The following C17orf99 variants were observed in gnomAD, a reference collection of about 807,000 sequenced individuals.
The protein encoded by C17orf99 is protein IL-40.
Under a neutral mutation model 22.6 loss-of-function variants are expected in C17orf99, and 18 were observed. The observed-to-expected ratio is 0.80, with a 90% CI of 0.55 to 1.18. C17orf99 has a LOEUF of 1.18. Among genes scored for constraint, C17orf99 ranks in the 50% most tolerant of loss-of-function variants. The pLI is 0.00. For missense variants in C17orf99, 328 were observed against 342.7 expected (o/e 0.96, Z 0.34); for synonymous variants, 147 against 136.6 (o/e 1.08, Z -0.53).
At position 78,161,131 on chromosome 17, in the gene C17orf99, T is replaced by C. The variant is rs1224257702; in HGVS notation, c.247T>C (p.Phe83Leu). ...GGTGAAGACCCACGAGCCGGCCTCC[T>C]TCAACCTCAACGTCACACTCAAGTC... ...KVVKTHEPASFNLNVTLKSSP... is the reference protein window; with the variant it reads ...KVVKTHEPASLNLNVTLKSSP... Residue 83 changes from phenylalanine (F) to leucine (L), a missense_variant, in exon 3 of 5, where the codon TTC becomes CTC. By Grantham distance (22) the Phe-to-Leu change is conservative (BLOSUM62 0). Coordinates refer to ENST00000340363, the MANE Select transcript of C17orf99 (RefSeq NM_001163075.2). 6.4e-7 allele frequency: 1 copy of C among 1,551,824 alleles called. No homozygotes were observed. The highest frequency in any genetic ancestry group is 8.7e-7 in the Non-Finnish European group (1 of 1,147,026).
chr17:78,159,570 C>CAGAGGTT (rs2075556124), intron 2 of C17orf99, among the ~76,000 whole-genome samples: 1 of 141,038 alleles, frequency 7.1e-6, no homozygotes, highest in Non-Finnish European at 1.5e-5. Context: ...ACACGGGAGG[C>CAGAGGTT]GACAGTGCAA....
At chr17:78,153,635 G>A (rs1478899557) in intron 2 of C17orf99, among the ~76,000 whole-genome samples, 7 of 152,164 alleles carry the variant, frequency 4.6e-5, no homozygotes, top group Non-Finnish European at 1.0e-4. Flanking sequence ...TGTAAGTCAA[G>A]ATCGTTTCCC....
At position 78,146,538 on chromosome 17, in the gene C17orf99, C is replaced by A; in HGVS notation, c.37+94C>A. On this transcript the variant is annotated intron_variant, in intron 1 of 4. Transcript: ENST00000340363. The surrounding 1 kb of genome is among the most constrained non-coding windows in gnomAD (Gnocchi z 5.2). ...TACTGGGAGCACAGGAGAGATGAGG[C>A]CTGAAGGAAGGGCACCTCTGGAAAC... The A allele has an allele frequency of 8.5e-7, 1 of 1,169,654 alleles. No homozygotes were observed. The highest frequency in any genetic ancestry group is 1.2e-6 in the Non-Finnish European group (1 of 810,378). The allele number at this position is 1,169,654 out of a possible 1,614,324, so 72.5% of individuals were successfully genotyped here.
At chr17:78,161,624 G>A (rs571340385) in intron 3 of C17orf99, among the ~76,000 whole-genome samples, 4 of 152,168 alleles carry the variant, frequency 2.6e-5, no homozygotes, top group East Asian at 3.9e-4. Flanking sequence ...CAGGCTGATC[G>A]CTTGAGCCCA....
At chr17:78,146,307 C>A (rs2075436970), upstream of C17orf99, 3 of 1,091,766 alleles carry the variant, frequency 2.7e-6, no homozygotes, top group African/African-American at 1.6e-5. This position sits in a 1 kb window ranked among gnomAD's most constrained non-coding sequence, Gnocchi z 5.2. Flanking sequence ...CTCCCCACTG[C>A]AGGCACCCAC....
chr17:78,162,450 C>G (rs904622471), intron 3 of C17orf99, among the ~76,000 whole-genome samples: 1 of 151,622 alleles, frequency 6.6e-6, no homozygotes, highest in Non-Finnish European at 1.5e-5. Context: ...GGAAGTGTTG[C>G]CCGACTTAGG....
intron 2 of C17orf99, among the ~76,000 whole-genome samples, chr17:78,149,035 T>C (rs568271965): frequency 3.0e-4 from 45 of 151,716 alleles, no homozygotes; most frequent in South Asian, 1.5e-3. Flanking sequence ...AGGACAGCCA[T>C]GAAAGATGGC....
At chr17:78,158,933 TG>T in intron 2 of C17orf99, 1 of 163,022 alleles carries the variant, frequency 6.1e-6, no homozygotes. Flanking sequence ...CCCAAAAGAC[TG>T]GGGACCAGCC....
At chr17:78,164,603 C>A (rs1025509882) in intron 4 of C17orf99, 1 of 1,520,252 alleles carries the variant, frequency 6.6e-7, no homozygotes, top group Admixed American at 2.0e-5. Context: ...TGCTGGTTGG[C>A]AGCCTTGCCT....
At chr17:78,165,481 G>A (rs1489356345) in intron 4 of C17orf99, 2 of 985,874 alleles carry the variant, frequency 2.0e-6, no homozygotes, top group Non-Finnish European at 2.4e-6. Flanking sequence ...TCTTCTGCTG[G>A]GGCACTGATG....
At chr17:78,154,054 T>C (rs2075507005) in intron 2 of C17orf99, among the ~76,000 whole-genome samples, 1 of 149,740 alleles carries the variant, frequency 6.7e-6, no homozygotes, top group Non-Finnish European at 1.5e-5. Flanking sequence ...GCCTCCCGAG[T>C]AGCTGGGACT....
chr17:78,162,481 A>G (rs1414390806), intron 3 of C17orf99, among the ~76,000 whole-genome samples: 1 of 151,842 alleles, frequency 6.6e-6, no homozygotes, highest in Non-Finnish European at 1.5e-5. Flanking sequence ...GAATCGCCCC[A>G]TTCATCCTTT....
At chr17:78,162,014 G>A (rs779225080) in intron 3 of C17orf99, among the ~76,000 whole-genome samples, 7 of 151,976 alleles carry the variant, frequency 4.6e-5, no homozygotes, top group Admixed American at 1.3e-4. Context: ...GGTGGCTCAC[G>A]CCTATAAGCC....
intron 3 of C17orf99, among the ~76,000 whole-genome samples, chr17:78,161,769 G>A (rs527276092): frequency 4.0e-5 from 6 of 151,488 alleles, no homozygotes; most frequent in African/African-American, 9.7e-5. Flanking sequence ...GCTTGAACCC[G>A]GGAGGCAGAG....
rs1474287149 is a variant in C17orf99, at chr17:78,164,130, C to A, written c.406C>A (p.Gln136Lys). ...VSELRANFTL[Q>K]DRGAGPRVEM... ...TGAGCTGCGGGCCAACTTCACTCTG[C>A]AGGACAGAGGGGCAGGCCCCAGGGT... is the stretch of plus-strand genomic sequence containing the variant. Residue 136 changes from glutamine (Q) to lysine (K), a missense_variant, in exon 4 of 5, where the codon CAG (glutamine) becomes AAG (lysine). Gln to Lys is a moderately conservative substitution (Grantham distance 53, BLOSUM62 1). Coordinates refer to ENST00000340363, the MANE Select transcript of C17orf99 (RefSeq NM_001163075.2). The A allele has an allele frequency of 1.0e-5, 16 of 1,551,628 alleles. No individual in the cohort carries two copies. Among genetic ancestry groups the A allele is most frequent in the African/African-American group, 1.4e-5 (1 of 73,074 alleles).
chr17:78,145,786 G>GGAC (rs2075433141), upstream of C17orf99, among the ~76,000 whole-genome samples: 1 of 150,178 alleles, frequency 6.7e-6, no homozygotes. Context: ...GTTACAGCGT[G>GGAC]GACATCTTTT....
chr17:78,164,537 C>T, intron 4 of C17orf99, 173 bp downstream of exon 4: 1 of 1,535,340 alleles, frequency 6.5e-7, no homozygotes, highest in Middle Eastern at 1.7e-4. Flanking sequence ...TAAAGGAAGC[C>T]CAACCCAGCT....
chr17:78,146,723 A>T lies in C17orf99; in HGVS notation c.38-156A>T, dbSNP rs547450766. On this transcript the variant is annotated intron_variant, in intron 1 of 4. Coordinates refer to ENST00000340363, the MANE Select transcript of C17orf99 (RefSeq NM_001163075.2). The surrounding 1 kb of genome is among the most constrained non-coding windows in gnomAD (Gnocchi z 5.2). ...TGTTGTGGGGGGAGGGGCGCAAAAG[A>T]GCTTTTGTGAGTGATGGTGCCAGCT... 3.6e-5 allele frequency: 26 copies of T among 728,318 alleles called. No individual in the cohort carries two copies. In the East Asian group the frequency reaches 7.1e-4, roughly 20 times the overall value. 45.1% of individuals were successfully genotyped at this position (728,318 alleles called of 1,614,324 possible). A position where few individuals can be genotyped will look rare whatever the true frequency, so the allele number is the denominator to read the frequency against.
intron 2 of C17orf99, chr17:78,159,005 G>C (rs536682015): frequency 6.1e-6 from 1 of 163,674 alleles, no homozygotes; most frequent in East Asian, 1.9e-4. Context: ...AGGAGGAGAG[G>C]GGAGGGGACC....
Sources: allele counts gnomAD v4.1 joint callset (sites outside exome capture counted in the v4.1 genomes callset), GRCh38; gene constraint gnomAD v4.1.1; non-coding constraint Gnocchi (gnomAD v3.1); transcripts MANE v1.5; gene names NCBI Gene and HGNC (gene_info 2026-07-23, HGNC 2026-07-21).